Variants in GALNT13 observed in about 807,000 individuals in gnomAD.
GALNT13 encodes the protein polypeptide N-acetylgalactosaminyltransferase 13.
In GALNT13, 28 loss-of-function variants were observed where a neutral mutation model predicts 64.2. The observed-to-expected ratio is 0.44, with a 90% CI of 0.32 to 0.60. The LOEUF (loss-of-function observed/expected upper bound fraction) is 0.60. GALNT13 is among the 20% of genes least tolerant of loss of function. The pLI, the probability that GALNT13 is intolerant of heterozygous loss-of-function variation, is 0.05. For synonymous variants in GALNT13, 214 were observed against 224.6 expected (o/e 0.95, Z 0.42); for missense variants, 577 against 669.8 (o/e 0.86, Z 1.53).
At chr2:153,274,676 G>C in the GALNT13 span, among the ~76,000 whole-genome samples, 1 of 152,206 alleles carries the variant, frequency 6.6e-6, no homozygotes, top group African/African-American at 2.4e-5. Flanking sequence ...CTCTCCTTCT[G>C]TCAAAAGCTC....
At chr2:153,134,269 C>CT in the GALNT13 span, among the ~76,000 whole-genome samples, 2 of 152,086 alleles carry the variant, frequency 1.3e-5, no homozygotes, top group Non-Finnish European at 2.9e-5. Context: ...GAAGTGGCTC[C>CT]TTTTTTTCCC....
the GALNT13 span, among the ~76,000 whole-genome samples, chr2:153,624,408 G>C: frequency 2.0e-5 from 3 of 151,966 alleles, no homozygotes; most frequent in Admixed American, 1.3e-4. Context: ...CCTGACTTTT[G>C]GATAATGGAA....
At chr2:153,221,134 C>T in the GALNT13 span, among the ~76,000 whole-genome samples, 1 of 152,154 alleles carries the variant, frequency 6.6e-6, no homozygotes, top group Non-Finnish European at 1.5e-5. Flanking sequence ...ACACGTACCC[C>T]TGAACTTAAA....
chr2:153,282,062 T>A, the GALNT13 span, among the ~76,000 whole-genome samples: 1 of 152,122 alleles, frequency 6.6e-6, no homozygotes, highest in Non-Finnish European at 1.5e-5. Flanking sequence ...TCAGTCACTT[T>A]ACATAATCCT....
the GALNT13 span, among the ~76,000 whole-genome samples, chr2:153,101,804 C>T: frequency 2.0e-5 from 3 of 152,344 alleles, no homozygotes; most frequent in East Asian, 1.9e-4. Flanking sequence ...GACATATGCA[C>T]GTGCTCATGC....
chr2:153,305,885 A>T, the GALNT13 span, among the ~76,000 whole-genome samples: 1 of 152,226 alleles, frequency 6.6e-6, no homozygotes, highest in South Asian at 2.1e-4. Context: ...TTTAGCCACC[A>T]GGAAAATGTT....
At chr2:154,287,587 C>T (rs1451659513) in intron 8 of GALNT13, among the ~76,000 whole-genome samples, 1 of 151,720 alleles carries the variant, frequency 6.6e-6, no homozygotes, top group East Asian at 2.0e-4. Context: ...TGTTGAAACC[C>T]TCTTTTGAAT....
At chr2:153,867,103 A>C (rs1002388525), upstream of GALNT13, among the ~76,000 whole-genome samples, 1 of 152,218 alleles carries the variant, frequency 6.6e-6, no homozygotes, top group African/African-American at 2.4e-5. Context: ...TAACAAATCA[A>C]CTATATATGA....
chr2:153,178,640 T>C, the GALNT13 span, among the ~76,000 whole-genome samples: 9 of 152,218 alleles, frequency 5.9e-5, no homozygotes, highest in East Asian at 1.7e-3. Flanking sequence ...TGAAAACATT[T>C]TATCCTAATC....
the GALNT13 span, among the ~76,000 whole-genome samples, chr2:153,818,950 C>T: frequency 2.0e-5 from 3 of 152,166 alleles, no homozygotes; most frequent in African/African-American, 7.2e-5. Flanking sequence ...CTCCCCATCA[C>T]AGCCAGCACC....
Position 154,395,273 on chromosome 2 carries a change from C to T in GALNT13, c.1157-718C>T, listed in dbSNP as rs1397466369. 2.0e-5 allele frequency among the ~76,000 whole-genome samples: 3 copies of T among 152,038 alleles called. 1 individual carries two copies. The highest frequency in any genetic ancestry group is 2.0e-4 in the Admixed American group (3 of 15,262). On this transcript the variant is annotated intron_variant, in intron 9 of 12. Coordinates refer to ENST00000392825, the MANE Select transcript of GALNT13 (RefSeq NM_052917.4). ...ATAAAAATTAGTAGCATTATTATTC[C>T]TCAACTAGAAAACATTCTTTTCTGA...
chr2:154,363,089 T>A (rs1009057537), intron 9 of GALNT13, among the ~76,000 whole-genome samples: 2 of 152,198 alleles, frequency 1.3e-5, no homozygotes, highest in Non-Finnish European at 2.9e-5. Flanking sequence ...CTCACCTGAT[T>A]CTACTGATCT....
At chr2:153,216,408 T>A in the GALNT13 span, among the ~76,000 whole-genome samples, 1 of 152,020 alleles carries the variant, frequency 6.6e-6, no homozygotes, top group Non-Finnish European at 1.5e-5. Context: ...GGCTATACTA[T>A]TTTATATTCC....
chr2:153,563,711 GT>G, the GALNT13 span, among the ~76,000 whole-genome samples: 2,888 of 149,182 alleles, frequency 0.019, 109 homozygotes, highest in African/African-American at 0.066. Context: ...CACTCTTAGG[GT>G]TTTTTTTTTC....
the GALNT13 span, among the ~76,000 whole-genome samples, chr2:153,866,152 G>A: frequency 8.7e-6 from 1 of 114,650 alleles, no homozygotes; most frequent in Admixed American, 9.4e-5. Context: ...CACACTCTGG[G>A]GACTGTTGTG....
chr2:153,259,280 T>C, the GALNT13 span, among the ~76,000 whole-genome samples: 1 of 142,948 alleles, frequency 7.0e-6, no homozygotes, highest in South Asian at 2.2e-4. Flanking sequence ...ATAAAATATC[T>C]CTTTCCGTTC....
chr2:153,985,655 C>G (rs1033214608), intron 3 of GALNT13, among the ~76,000 whole-genome samples: 2 of 151,876 alleles, frequency 1.3e-5, no homozygotes, highest in African/African-American at 4.8e-5. Flanking sequence ...ACTCCATCAG[C>G]TTAATACATT....
chr2:153,085,020 T>A, the GALNT13 span, among the ~76,000 whole-genome samples: 32,126 of 152,066 alleles, frequency 0.21, 3,820 homozygotes, highest in Non-Finnish European at 0.28. Flanking sequence ...GACAATTAAG[T>A]CCAGGCTGAG....
intron 4 of GALNT13, among the ~76,000 whole-genome samples, chr2:154,225,130 A>AGATAGATAGATAGATAGAT (rs1228401546): frequency 6.5e-5 from 7 of 107,912 alleles, no homozygotes; most frequent in Admixed American, 2.8e-4. Flanking sequence ...ATAGATAGAT[A>AGATAGATAGATAGATAGAT]GATAGATAGA....
Sources: gnomAD v4.1 joint callset for allele counts (sites outside exome capture counted in the v4.1 genomes callset) on GRCh38, gnomAD v4.1.1 for gene constraint, MANE v1.5 for transcripts, NCBI Gene and HGNC (gene_info 2026-07-23, HGNC 2026-07-21) for gene names.